The following LUZP2 variants were observed in gnomAD, a reference collection of about 807,000 sequenced individuals.
LUZP2 encodes leucine zipper protein 2.
LUZP2 carries 52 observed loss-of-function variants against 51.6 expected under a neutral mutation model. The observed-to-expected ratio is 1.01, with a 90% CI of 0.81 to 1.27. LUZP2 has a LOEUF of 1.27. LUZP2 is among the 50% of genes most tolerant of loss of function. The probability of loss-of-function intolerance (pLI) is 0.00; values close to 1 mark genes in which losing one functional copy is unlikely to be tolerated. For synonymous variants in LUZP2, 154 were observed against 137.3 expected (o/e 1.12, Z -0.85); for missense variants, 436 against 395.4 (o/e 1.10, Z -0.87).
intron 1 of LUZP2, among the ~76,000 whole-genome samples, chr11:24,529,524 A>T (rs562592708): frequency 4.7e-4 from 68 of 146,224 alleles, no homozygotes; most frequent in Non-Finnish European, 8.8e-4. Context: ...ATTCATCATT[A>T]TTTCTGATAA....
chr11:24,961,559 A>G (rs1272452051), intron 7 of LUZP2, among the ~76,000 whole-genome samples: 4 of 152,160 alleles, frequency 2.6e-5, no homozygotes, highest in Admixed American at 2.0e-4. Context: ...ATCAGAGACT[A>G]GGATTGCAAC....
At position 24,734,622 on chromosome 11, in the gene LUZP2, A is replaced by T. The variant is rs755236119; in HGVS notation, c.251+2434A>T. On this transcript the variant is annotated intron_variant, in intron 3 of 11. Coordinates refer to ENST00000336930, the MANE Select transcript of LUZP2 (RefSeq NM_001009909.4). ...TAATAAAAGGTAACTTCTCAAAAGG[A>T]TATAAGATGTGATGCATTCGTTTTT... Among the ~76,000 whole-genome samples the T allele has an allele frequency of 3.9e-5, 6 of 152,048 alleles. No homozygotes were observed. The South Asian group carries it at 6.2e-4, about 16-fold the overall frequency.
chr11:24,627,172 T>G (rs1161570316), intron 1 of LUZP2, among the ~76,000 whole-genome samples: 2 of 152,218 alleles, frequency 1.3e-5, no homozygotes, highest in African/African-American at 4.8e-5. Context: ...CAAAAATATG[T>G]AAGATGTTTC....
intron 4 of LUZP2, among the ~76,000 whole-genome samples, chr11:24,753,368 C>T (rs920732486): frequency 1.3e-5 from 2 of 152,118 alleles, no homozygotes; most frequent in African/African-American, 4.8e-5. Context: ...CATGTAGGAA[C>T]CCAGTCCTAG....
intron 1 of LUZP2, among the ~76,000 whole-genome samples, chr11:24,683,177 G>T (rs940328340): frequency 2.0e-5 from 3 of 152,186 alleles, no homozygotes; most frequent in African/African-American, 7.2e-5. Context: ...AGGCCGGCAG[G>T]CTAGACAAAG....
chr11:24,937,755 G>C (rs1854628760), intron 7 of LUZP2, among the ~76,000 whole-genome samples: 1 of 152,040 alleles, frequency 6.6e-6, no homozygotes, highest in Non-Finnish European at 1.5e-5. Context: ...CAAAAAATTA[G>C]CCGGGCGTGG....
At chr11:25,052,072 A>G (rs1858533233) in intron 10 of LUZP2, among the ~76,000 whole-genome samples, 2 of 152,186 alleles carry the variant, frequency 1.3e-5, no homozygotes, top group African/African-American at 4.8e-5. Context: ...CAGAACAAAT[A>G]TAAATGTTAT....
At chr11:24,857,589 CTG>C (rs1851609905) in intron 5 of LUZP2, among the ~76,000 whole-genome samples, 1 of 147,880 alleles carries the variant, frequency 6.8e-6, no homozygotes, top group African/African-American at 2.5e-5. Context: ...TTTAGGATTG[CTG>C]TGAATGTTAA....
At chr11:24,505,412 C>T (rs1412506442) in intron 1 of LUZP2, among the ~76,000 whole-genome samples, 1 of 152,134 alleles carries the variant, frequency 6.6e-6, no homozygotes, top group African/African-American at 2.4e-5. Flanking sequence ...TTAGAAATGT[C>T]AATGAACATC....
chr11:25,057,951 A>G (rs906578071), intron 10 of LUZP2, among the ~76,000 whole-genome samples: 1 of 152,120 alleles, frequency 6.6e-6, no homozygotes, highest in Non-Finnish European at 1.5e-5. Context: ...CTAGTTTGCT[A>G]TTATATCCAA....
At chr11:24,994,360 CTTG>C (rs887067693) in intron 9 of LUZP2, among the ~76,000 whole-genome samples, 1 of 152,120 alleles carries the variant, frequency 6.6e-6, no homozygotes, top group African/African-American at 2.4e-5. Context: ...CATGTGGCAT[CTTG>C]TTGTTTAAAC....
chr11:24,592,852 A>G (rs1853307663), intron 1 of LUZP2, among the ~76,000 whole-genome samples: 1 of 152,214 alleles, frequency 6.6e-6, no homozygotes, highest in African/African-American at 2.4e-5. Context: ...ATGAAAACTA[A>G]AATTACAAAG....
intron 5 of LUZP2, among the ~76,000 whole-genome samples, chr11:24,769,855 C>T (rs756733944): frequency 6.0e-5 from 9 of 150,970 alleles, no homozygotes; most frequent in Admixed American, 6.6e-5. Context: ...TGCAGTGGCA[C>T]CATCATGGCT....
chr11:24,770,407 C>G (rs1265678164), intron 5 of LUZP2, among the ~76,000 whole-genome samples: 1 of 152,076 alleles, frequency 6.6e-6, no homozygotes, highest in African/African-American at 2.4e-5. Flanking sequence ...CAGTGGCATC[C>G]TTTTCCTTTT....
chr11:24,703,874 A>AC (rs398115166), intron 1 of LUZP2, among the ~76,000 whole-genome samples: 37 of 151,600 alleles, frequency 2.4e-4, no homozygotes, highest in South Asian at 4.2e-4. Flanking sequence ...ACAAAAAAAA[A>AC]CAGAATTATT....
intron 8 of LUZP2, among the ~76,000 whole-genome samples, chr11:24,981,871 G>A (rs1356396536): frequency 6.6e-6 from 1 of 151,768 alleles, no homozygotes; most frequent in Admixed American, 6.6e-5. Context: ...TCTGACAAAG[G>A]TCTAATATCC....
intron 1 of LUZP2, among the ~76,000 whole-genome samples, chr11:24,717,020 T>A (rs1317801666): frequency 2.0e-5 from 3 of 152,072 alleles, no homozygotes; most frequent in African/African-American, 7.2e-5. Context: ...AAACTAATGA[T>A]TAATTATAAA....
At chr11:24,542,789 T>C (rs1851414665) in intron 1 of LUZP2, among the ~76,000 whole-genome samples, 1 of 151,968 alleles carries the variant, frequency 6.6e-6, no homozygotes, top group African/African-American at 2.4e-5. Context: ...ACTTTTTTGG[T>C]GACAATCAAT....
intron 1 of LUZP2, among the ~76,000 whole-genome samples, chr11:24,531,534 T>C (rs1850999832): frequency 6.6e-6 from 1 of 150,942 alleles, no homozygotes; most frequent in South Asian, 2.1e-4. Context: ...GCATTTTTCC[T>C]ATTCAGCTGT....
Sources: gnomAD v4.1 joint callset for allele counts (sites outside exome capture counted in the v4.1 genomes callset) on GRCh38, gnomAD v4.1.1 for gene constraint, MANE v1.5 for transcripts, NCBI Gene and HGNC (gene_info 2026-07-23, HGNC 2026-07-21) for gene names.